The following RAB38 variants were observed in gnomAD, a reference collection of about 807,000 sequenced individuals.
The protein encoded by RAB38 is RAB38, member RAS oncogene family.
RAB38 carries 15 observed loss-of-function variants against 18.4 expected under a neutral mutation model. That is an observed-to-expected ratio of 0.82 (90% CI 0.55 to 1.26). The LOEUF (loss-of-function observed/expected upper bound fraction) is 1.26, where lower values mean the gene tolerates loss of function less well. Ranked by LOEUF, RAB38 falls within the 50% of genes most tolerant of loss-of-function variation. RAB38 has a pLI of 0.00. For synonymous variants in RAB38, 101 were observed against 104.4 expected, an observed-to-expected ratio of 0.97 and a Z score of 0.20; for missense variants, 294 against 267.4, an observed-to-expected ratio of 1.10 and a Z score of -0.69.
the RAB38 span, among the ~76,000 whole-genome samples, chr11:87,936,657 C>T: frequency 2.0e-5 from 3 of 152,050 alleles, no homozygotes; most frequent in Admixed American, 6.6e-5. Flanking sequence ...TTGAGATATT[C>T]TAGCTCATTA....
chr11:88,104,284 T>C, the RAB38 span, among the ~76,000 whole-genome samples: 1 of 145,556 alleles, frequency 6.9e-6, no homozygotes. Context: ...AGTTATTTTC[T>C]TACGTTAAAT....
chr11:87,885,391 T>C, the RAB38 span, among the ~76,000 whole-genome samples: 1 of 150,456 alleles, frequency 6.6e-6, no homozygotes, highest in African/African-American at 2.4e-5. Flanking sequence ...GTGTGATCCT[T>C]AGTTGCTCTG....
chr11:87,806,252 G>A, the RAB38 span, among the ~76,000 whole-genome samples: 1 of 152,162 alleles, frequency 6.6e-6, no homozygotes, highest in African/African-American at 2.4e-5. Flanking sequence ...TTCATGGCTT[G>A]TAAATGGGAG....
chr11:88,009,215 G>A, the RAB38 span, among the ~76,000 whole-genome samples: 4 of 151,868 alleles, frequency 2.6e-5, no homozygotes, highest in Admixed American at 6.6e-5. Flanking sequence ...AGATTCTAAG[G>A]GAAAATAATT....
the RAB38 span, among the ~76,000 whole-genome samples, chr11:87,869,238 G>C: frequency 6.6e-6 from 1 of 151,662 alleles, no homozygotes; most frequent in South Asian, 2.1e-4. Flanking sequence ...CTACTTTTCA[G>C]ATGACTTATT....
At chr11:88,049,000 T>C in the RAB38 span, among the ~76,000 whole-genome samples, 2 of 152,288 alleles carry the variant, frequency 1.3e-5, no homozygotes, top group East Asian at 1.9e-4. Flanking sequence ...AATAATTCTA[T>C]ACGACAAATA....
chr11:88,054,275 G>A, the RAB38 span, among the ~76,000 whole-genome samples: 3 of 152,050 alleles, frequency 2.0e-5, no homozygotes, highest in African/African-American at 7.2e-5. Flanking sequence ...GAAGAACCAG[G>A]CTAGGATGAA....
At chr11:87,928,514 T>A in the RAB38 span, among the ~76,000 whole-genome samples, 1 of 152,064 alleles carries the variant, frequency 6.6e-6, no homozygotes, top group East Asian at 1.9e-4. Flanking sequence ...ATAATTAAAA[T>A]TTTAAGTAAA....
the RAB38 span, among the ~76,000 whole-genome samples, chr11:87,821,400 C>A: frequency 6.6e-6 from 1 of 152,156 alleles, no homozygotes; most frequent in Non-Finnish European, 1.5e-5. Context: ...AAGGAATTTT[C>A]AGACGAACAA....
the RAB38 span, among the ~76,000 whole-genome samples, chr11:87,825,342 T>C: frequency 1.3e-5 from 2 of 152,254 alleles, no homozygotes; most frequent in East Asian, 3.9e-4. Context: ...CATAACAAAA[T>C]AACACACACT....
the RAB38 span, among the ~76,000 whole-genome samples, chr11:87,977,102 AAATAT>A: frequency 1.4e-3 from 14 of 10,204 alleles, no homozygotes; most frequent in African/African-American, 2.8e-3. Flanking sequence ...GTATATTATA[AAATAT>A]AATTATATTA....
chr11:88,010,031 A>C, the RAB38 span, among the ~76,000 whole-genome samples: 1 of 152,146 alleles, frequency 6.6e-6, no homozygotes, highest in African/African-American at 2.4e-5. Context: ...TATTTTTAAT[A>C]ATTTTGTGTA....
chr11:88,155,683 C>T lies in RAB38; in HGVS notation c.203-5728G>A, dbSNP rs375011850. Among the ~76,000 whole-genome samples the T allele has an allele frequency of 4.6e-5, 7 of 152,118 alleles. No homozygotes were observed. The East Asian group carries it at 1.2e-3, about 25-fold the overall frequency. Reference sequence around the variant, plus strand: ...TTGCACTAGCTTTCCAGCAAAGGTCCCTAATGAAAATAGAAACTCAGAAGT... The same window carrying T: ...TTGCACTAGCTTTCCAGCAAAGGTCTCTAATGAAAATAGAAACTCAGAAGT... On this transcript the variant is annotated intron_variant, in intron 1 of 2. Coordinates refer to ENST00000243662, the MANE Select transcript of RAB38 (RefSeq NM_022337.3).
the RAB38 span, among the ~76,000 whole-genome samples, chr11:87,928,723 C>G: frequency 6.6e-6 from 1 of 151,732 alleles, no homozygotes; most frequent in Non-Finnish European, 1.5e-5. Context: ...TCAAATAGAA[C>G]CACAAAGAAT....
At chr11:87,823,285 G>A in the RAB38 span, among the ~76,000 whole-genome samples, 1 of 151,988 alleles carries the variant, frequency 6.6e-6, no homozygotes, top group South Asian at 2.1e-4. Context: ...TAAATGGAGG[G>A]ATATACCAGG....
At chr11:88,052,592 T>G in the RAB38 span, among the ~76,000 whole-genome samples, 1 of 152,046 alleles carries the variant, frequency 6.6e-6, no homozygotes, top group African/African-American at 2.4e-5. Context: ...GATACTCTCT[T>G]TTTTAAAATG....
At chr11:87,968,100 T>C in the RAB38 span, among the ~76,000 whole-genome samples, 1 of 152,230 alleles carries the variant, frequency 6.6e-6, no homozygotes, top group Non-Finnish European at 1.5e-5. Context: ...TCAAATGGTT[T>C]ATAACTTTAG....
At chr11:87,881,470 A>G in the RAB38 span, among the ~76,000 whole-genome samples, 2 of 151,874 alleles carry the variant, frequency 1.3e-5, no homozygotes, top group Non-Finnish European at 2.9e-5. Flanking sequence ...TCTTCTGGGT[A>G]TGAACTCATA....
the RAB38 span, among the ~76,000 whole-genome samples, chr11:87,964,964 T>C: frequency 1.3e-5 from 2 of 152,182 alleles, no homozygotes; most frequent in South Asian, 4.1e-4. Flanking sequence ...ACAACTAAAG[T>C]TATATCTACG....
Sources: allele counts gnomAD v4.1 joint callset (sites outside exome capture counted in the v4.1 genomes callset), GRCh38; gene constraint gnomAD v4.1.1; transcripts MANE v1.5; gene names NCBI Gene and HGNC (gene_info 2026-07-23, HGNC 2026-07-21).